DNM3: variants seen among roughly 807,000 people sequenced by gnomAD.
The protein encoded by DNM3 is dynamin 3.
A neutral mutation model predicts 101.6 loss-of-function variants in DNM3; 47 were observed. That is an observed-to-expected ratio of 0.46 (90% CI 0.37 to 0.59). DNM3 has a LOEUF of 0.59. Ranked by LOEUF, DNM3 falls within the 20% of genes least tolerant of loss-of-function variation. The probability of loss-of-function intolerance (pLI) is 0.00; values close to 1 mark genes in which losing one functional copy is unlikely to be tolerated. For synonymous variants in DNM3, 385 were observed against 387.9 expected (o/e 0.99, Z 0.09); for missense variants, 849 against 1,085.7 (o/e 0.78, Z 3.06).
At chr1:172,299,331 G>A (rs1442732637) in intron 15 of DNM3, among the ~76,000 whole-genome samples, 3 of 152,174 alleles carry the variant, frequency 2.0e-5, no homozygotes, top group South Asian at 2.1e-4. Context: ...CATAACCATC[G>A]GAGTGTCTTA....
At chr1:172,293,844 G>T (rs1019098840) in intron 15 of DNM3, among the ~76,000 whole-genome samples, 1 of 152,170 alleles carries the variant, frequency 6.6e-6, no homozygotes, top group African/African-American at 2.4e-5. Context: ...CCAGTGAAGA[G>T]CCCCTGAAAG....
intron 20 of DNM3, among the ~76,000 whole-genome samples, chr1:172,392,185 G>A (rs1279271767): frequency 2.0e-5 from 3 of 152,162 alleles, no homozygotes; most frequent in Non-Finnish European, 1.5e-5. Flanking sequence ...CAGTTAGGGA[G>A]CTGGAAATAT....
intron 1 of DNM3, among the ~76,000 whole-genome samples, chr1:171,878,993 A>G (rs550715049): frequency 9.2e-5 from 14 of 152,298 alleles, no homozygotes; most frequent in South Asian, 2.1e-4. Context: ...GGAGTCCCCT[A>G]TGTTTTCTGT....
chr1:172,032,496 C>T lies in DNM3; in HGVS notation c.684C>T (p.Arg228=). The T allele has an allele frequency of 6.6e-7, 1 of 1,516,836 alleles. No individual in the cohort carries two copies. 94.0% of individuals were successfully genotyped at this position (1,516,836 alleles called of 1,614,324 possible). A position where few individuals can be genotyped will look rare whatever the true frequency, so the allele number is the denominator to read the frequency against. ...DVLENKLLPL[R]RGYVGVVNRS... ...TAGAGAACAAACTGTTGCCTCTTCGCAGGGGTAATGTACTGTGGTCTATAC... is the reference window on the plus strand; with the variant it reads ...TAGAGAACAAACTGTTGCCTCTTCGTAGGGGTAATGTACTGTGGTCTATAC... The change falls in exon 5 of 21, where the codon CGC becomes CGT. Residue 228 remains arginine, a synonymous_variant. Transcript: ENST00000627582.
intron 1 of DNM3, among the ~76,000 whole-genome samples, chr1:171,905,397 C>T (rs116530750): frequency 6.6e-6 from 1 of 152,088 alleles, no homozygotes; most frequent in Non-Finnish European, 1.5e-5. Flanking sequence ...AGAGATATTG[C>T]CTGCCTTGCT....
chr1:172,351,927 C>T (rs574385581), intron 17 of DNM3, among the ~76,000 whole-genome samples: 5 of 152,096 alleles, frequency 3.3e-5, no homozygotes, highest in South Asian at 2.1e-4. Flanking sequence ...TGACAAATTC[C>T]GATCCGTCAG....
At chr1:172,385,900 A>AATG (rs2069152130) in intron 18 of DNM3, among the ~76,000 whole-genome samples, 1 of 152,246 alleles carries the variant, frequency 6.6e-6, no homozygotes, top group Admixed American at 6.5e-5. Context: ...ACTGTAAAAT[A>AATG]ATGATACTTA....
intron 4 of DNM3, among the ~76,000 whole-genome samples, chr1:172,029,391 T>C (rs1327648133): frequency 6.6e-6 from 1 of 152,178 alleles, no homozygotes; most frequent in Non-Finnish European, 1.5e-5. Flanking sequence ...AACTAGGTAT[T>C]GATGGAACGT....
intron 14 of DNM3, among the ~76,000 whole-genome samples, chr1:172,145,564 A>G (rs1223124696): frequency 1.3e-5 from 2 of 152,070 alleles, no homozygotes; most frequent in Non-Finnish European, 2.9e-5. Context: ...TGGCCTCTAC[A>G]TGAGTAATTA....
At chr1:171,967,051 A>G (rs2043640931) in intron 2 of DNM3, among the ~76,000 whole-genome samples, 1 of 152,118 alleles carries the variant, frequency 6.6e-6, no homozygotes, top group African/African-American at 2.4e-5. Flanking sequence ...ATGCCAGCTG[A>G]GCCCTGAACC....
At chr1:172,223,335 T>C (rs2060982527) in intron 14 of DNM3, among the ~76,000 whole-genome samples, 1 of 150,620 alleles carries the variant, frequency 6.6e-6, no homozygotes, top group African/African-American at 2.4e-5. Context: ...TGGTACCACC[T>C]CTCCAGGCAT....
chr1:172,326,342 C>T (rs933104203), intron 17 of DNM3, among the ~76,000 whole-genome samples: 2 of 152,130 alleles, frequency 1.3e-5, no homozygotes, highest in Non-Finnish European at 2.9e-5. Flanking sequence ...GAGTCTATCT[C>T]CTCCTAAGAT....
intron 1 of DNM3, among the ~76,000 whole-genome samples, chr1:171,914,314 C>T (rs979936629): frequency 2.2e-4 from 34 of 152,188 alleles, no homozygotes; most frequent in African/African-American, 7.5e-4. Flanking sequence ...TGCACCACCA[C>T]GCCTGGCTAA....
rs139210241 is a variant in DNM3 at position 172,247,489 on chromosome 1, G to C, written c.1660-6084G>C. 4.2e-3 allele frequency among the ~76,000 whole-genome samples: 634 copies of C among 152,086 alleles called. 10 individuals are homozygous for C. The highest frequency in any genetic ancestry group is 0.014 in the African/African-American group (595 of 41,520). ...TTTGATTATTTGATAGCTTGAGAAAGATTGTCATGTTTCAGAATGTTAGAG... is the reference window on the plus strand; with the variant it reads ...TTTGATTATTTGATAGCTTGAGAAACATTGTCATGTTTCAGAATGTTAGAG... On this transcript the variant is annotated intron_variant, in intron 14 of 20. Transcript: ENST00000627582.
chr1:172,157,398 T>G, intron 14 of DNM3, among the ~76,000 whole-genome samples: 1 of 152,102 alleles, frequency 6.6e-6, no homozygotes, highest in East Asian at 1.9e-4. Context: ...GGACTGGTAC[T>G]GCGTTCGTGG....
intron 16 of DNM3, among the ~76,000 whole-genome samples, chr1:172,319,607 T>A (rs1164200084): frequency 2.0e-5 from 3 of 152,200 alleles, no homozygotes; most frequent in Admixed American, 6.5e-5. Context: ...AAGACATTTA[T>A]GCAGCCAAAA....
At chr1:172,344,089 T>C (rs1044910281) in intron 17 of DNM3, among the ~76,000 whole-genome samples, 3 of 152,208 alleles carry the variant, frequency 2.0e-5, no homozygotes, top group Non-Finnish European at 4.4e-5. Context: ...GCAGCTCGAA[T>C]GTAGCCAATT....
At chr1:172,122,687 C>T (rs531970766) in intron 13 of DNM3, among the ~76,000 whole-genome samples, 6 of 152,224 alleles carry the variant, frequency 3.9e-5, no homozygotes, top group African/African-American at 1.4e-4. Flanking sequence ...TAGCCAACAT[C>T]GTTGTATGTG....
chr1:172,214,454 G>GA, intron 14 of DNM3, among the ~76,000 whole-genome samples: 1 of 151,202 alleles, frequency 6.6e-6, no homozygotes, highest in Non-Finnish European at 1.5e-5. Context: ...TAAAAAAAAA[G>GA]AAAAAAAAGT....
Sources: gnomAD v4.1 joint callset for allele counts (sites outside exome capture counted in the v4.1 genomes callset) on GRCh38, gnomAD v4.1.1 for gene constraint, MANE v1.5 for transcripts, NCBI Gene and HGNC (gene_info 2026-07-23, HGNC 2026-07-21) for gene names.